NAV3: variants seen among roughly 807,000 people sequenced by gnomAD.
The protein encoded by NAV3 is pore membrane and/or filament interacting like protein 1.
Under a neutral mutation model 244.7 loss-of-function variants are expected in NAV3, and 87 were observed. The ratio of observed to expected loss-of-function variants is 0.36; its 90% confidence interval spans 0.30 to 0.42. The LOEUF (loss-of-function observed/expected upper bound fraction) is 0.42. Among genes scored for constraint, NAV3 ranks in the 20% least tolerant of loss-of-function variants. The pLI, the probability that NAV3 is intolerant of heterozygous loss-of-function variation, is 1.00. For missense variants in NAV3, 2,663 were observed against 2,893.3 expected (o/e 0.92, Z 1.83); for synonymous variants, 1,126 against 1,042.2 (o/e 1.08, Z -1.55).
At chr12:77,783,898 A>G (rs1870786345) in intron 2 of NAV3, among the ~76,000 whole-genome samples, 1 of 152,110 alleles carries the variant, frequency 6.6e-6, no homozygotes, top group Non-Finnish European at 1.5e-5. Context: ...AAAGTTGGTG[A>G]CTTTTTCATG....
At chr12:77,994,339 A>G (rs1226866836) in intron 5 of NAV3, among the ~76,000 whole-genome samples, 3 of 152,260 alleles carry the variant, frequency 2.0e-5, no homozygotes, top group African/African-American at 2.4e-5. Context: ...AATAATATTT[A>G]GATTGAAAAA....
chr12:78,168,766 T>G lies in NAV3; in HGVS notation c.4881T>G (p.Leu1627=). The change falls in exon 24 of 40, where the codon CTT becomes CTG. Residue 1627 remains leucine (L), a synonymous_variant. Coordinates refer to ENST00000397909, the MANE Select transcript of NAV3 (RefSeq NM_001024383.2). ...TGTTTATTCCACAGGAATCTGAACTTATAGAACTAAGAGAAACCATTGAAA... is the reference window on the plus strand; with the variant it reads ...TGTTTATTCCACAGGAATCTGAACTGATAGAACTAAGAGAAACCATTGAAA... ...TMTAEQKESE[L]IELRETIEML... is the part of the protein sequence containing the mutation. 6.2e-7 allele frequency: 1 copy of G among 1,607,182 alleles called. No homozygotes were observed.
At chr12:77,945,733 T>C (rs932092539) in intron 3 of NAV3, among the ~76,000 whole-genome samples, 21 of 152,142 alleles carry the variant, frequency 1.4e-4, no homozygotes, top group African/African-American at 4.8e-4. Flanking sequence ...AATGGTTTAA[T>C]GGTTACTTTA....
At chr12:77,679,282 A>T in intron 2 of NAV3, among the ~76,000 whole-genome samples, 1 of 152,200 alleles carries the variant, frequency 6.6e-6, no homozygotes, top group East Asian at 1.9e-4. Flanking sequence ...TCGGGGAAAC[A>T]ACACGAAGGA....
At chr12:77,641,604 GTTC>G (rs1872413863) in intron 2 of NAV3, among the ~76,000 whole-genome samples, 1 of 152,028 alleles carries the variant, frequency 6.6e-6, no homozygotes, top group Non-Finnish European at 1.5e-5. Context: ...TTATATCCCA[GTTC>G]TTCTTTAGAA....
In NAV3 at chr12:78,200,557, C is replaced by G. The variant is rs2140031853; in HGVS notation, c.6800C>G (p.Pro2267Arg). The G allele has an allele frequency of 6.3e-7, 1 of 1,584,254 alleles. No individual in the cohort carries two copies. Among genetic ancestry groups the G allele is most frequent in the African/African-American group, 1.4e-5 (1 of 73,622 alleles). ...GATCTCTGGAACTATTCTTTAGTAC[C>G]TTATATTCTGGAGGCAGTGAGAGAG... The part of the protein sequence containing the change: ...FMDLWNYSLV[P>R]YILEAVREGL... Residue 2267 changes from proline to arginine, a missense_variant, in exon 38 of 40, where the codon CCT (proline) becomes CGT (arginine). Around this residue, in one of 6 missense-constraint regions of NAV3, gnomAD observed 543 missense variants for 672.4 expected, o/e 0.81. Transcript: ENST00000397909.
At chr12:77,605,139 C>T (rs932753636) in intron 2 of NAV3, among the ~76,000 whole-genome samples, 6 of 152,026 alleles carry the variant, frequency 3.9e-5, no homozygotes, top group African/African-American at 1.4e-4. Context: ...TTAGCTACAG[C>T]AATTCTAAAT....
At chr12:77,788,608 C>CTT (rs78745838) in intron 2 of NAV3, among the ~76,000 whole-genome samples, 3 of 139,506 alleles carry the variant, frequency 2.2e-5, no homozygotes, top group East Asian at 2.1e-4. Flanking sequence ...GCATTTGGTG[C>CTT]TTTTTTTTTT....
At chr12:77,634,765 G>A (rs537232048) in intron 2 of NAV3, among the ~76,000 whole-genome samples, 50 of 151,908 alleles carry the variant, frequency 3.3e-4, no homozygotes, top group African/African-American at 1.2e-3. Flanking sequence ...ATTTTTAACA[G>A]TAATTTTTTA....
At chr12:78,046,787 G>T (rs1165416225) in intron 9 of NAV3, among the ~76,000 whole-genome samples, 2 of 152,138 alleles carry the variant, frequency 1.3e-5, no homozygotes, top group Non-Finnish European at 2.9e-5. Flanking sequence ...GAATATCTTT[G>T]TTAATTTTCT....
intron 2 of NAV3, chr12:77,775,724 A>G (rs570567506): frequency 6.6e-6 from 1 of 152,356 alleles, no homozygotes; most frequent in East Asian, 1.9e-4. Flanking sequence ...GACGTTGCAC[A>G]TTAGTGTACT....
intron 1 of NAV3, among the ~76,000 whole-genome samples, chr12:77,907,590 A>C (rs577091657): frequency 6.6e-6 from 1 of 152,266 alleles, no homozygotes; most frequent in Non-Finnish European, 1.5e-5. Flanking sequence ...CCAAACGTTA[A>C]CTTTAGAATA....
At chr12:77,842,911 C>G (rs1719904003) in intron 1 of NAV3, among the ~76,000 whole-genome samples, 1 of 152,104 alleles carries the variant, frequency 6.6e-6, no homozygotes, top group Admixed American at 6.6e-5. Flanking sequence ...TTAGCTTCAG[C>G]TTGGATCAAG....
chr12:77,586,398 G>A (rs980470648), intron 2 of NAV3, among the ~76,000 whole-genome samples: 28 of 152,212 alleles, frequency 1.8e-4, no homozygotes, highest in African/African-American at 6.3e-4. Context: ...AAAGACTAGG[G>A]TTTCATTAGC....
chr12:77,810,463 G>A (rs971473933), intron 2 of NAV3, among the ~76,000 whole-genome samples: 7 of 152,104 alleles, frequency 4.6e-5, no homozygotes, highest in East Asian at 3.9e-4. Flanking sequence ...GAGCCACAGC[G>A]CCTGACCCCC....
chr12:77,586,901 G>A (rs1565726136), intron 2 of NAV3, among the ~76,000 whole-genome samples: 1 of 152,164 alleles, frequency 6.6e-6, no homozygotes, highest in East Asian at 1.9e-4. Context: ...TGTAGAATGG[G>A]AAGTTAGGAG....
At chr12:77,841,365 A>T (rs146636080) in intron 1 of NAV3, among the ~76,000 whole-genome samples, 2,551 of 152,290 alleles carry the variant, frequency 0.017, 66 homozygotes, top group African/African-American at 0.058. Flanking sequence ...GAAAACCTGG[A>T]GTGGGCAGGT....
chr12:77,913,574 T>G (rs1195915564), intron 1 of NAV3, among the ~76,000 whole-genome samples: 1 of 152,096 alleles, frequency 6.6e-6, no homozygotes, highest in Non-Finnish European at 1.5e-5. Flanking sequence ...ATAGTTTGAT[T>G]TTTTAAATTC....
chr12:78,066,967 C>G (rs932344321), intron 12 of NAV3, among the ~76,000 whole-genome samples: 3 of 152,032 alleles, frequency 2.0e-5, no homozygotes, highest in African/African-American at 7.2e-5. Context: ...AATTACATTG[C>G]CATGACAAAG....
Sources: gnomAD v4.1 joint callset for allele counts (sites outside exome capture counted in the v4.1 genomes callset) on GRCh38, gnomAD v4.1.1 for gene constraint, gnomAD v4.1.1 regional missense constraint, MANE v1.5 for transcripts, NCBI Gene and HGNC (gene_info 2026-07-23, HGNC 2026-07-21) for gene names.